The following MACF1 variants were observed in gnomAD, a reference collection of about 807,000 sequenced individuals.
MACF1 encodes the protein microtubule actin crosslinking factor 1.
MACF1 carries 193 observed loss-of-function variants against 854.8 expected under a neutral mutation model. The ratio of observed to expected loss-of-function variants is 0.23; its 90% CI spans 0.20 to 0.25. The LOEUF is 0.25. MACF1 is among the 10% of genes least tolerant of loss of function. The pLI, the probability that MACF1 is intolerant of heterozygous loss-of-function variation, is 1.00. For synonymous variants in MACF1, 3,185 were observed against 3,226.7 expected (o/e 0.99, Z 0.44); for missense variants, 7,722 against 8,929.1 (o/e 0.86, Z 5.45).
At chr1:39,386,517 C>T (rs913661698) in intron 57 of MACF1, among the ~76,000 whole-genome samples, 4 of 151,744 alleles carry the variant, frequency 2.6e-5, no homozygotes, top group Admixed American at 6.6e-5. Flanking sequence ...CTGCAACCTC[C>T]GCCTCCTCGG....
chr1:39,242,299 G>C (rs1277747099), intron 2 of MACF1, among the ~76,000 whole-genome samples: 3 of 150,824 alleles, frequency 2.0e-5, no homozygotes, highest in Non-Finnish European at 4.4e-5. Flanking sequence ...GTAATGAGCC[G>C]AGATAGCACC....
intron 97 of MACF1, among the ~76,000 whole-genome samples, chr1:39,473,275 G>T (rs2124162451): frequency 6.6e-6 from 1 of 152,278 alleles, no homozygotes; most frequent in South Asian, 2.1e-4. Flanking sequence ...GGCCTCTGGG[G>T]CTAACAGGGT....
intron 49 of MACF1, among the ~76,000 whole-genome samples, chr1:39,367,748 A>G (rs562907944): frequency 3.0e-4 from 46 of 151,970 alleles, no homozygotes; most frequent in African/African-American, 1.1e-3. Flanking sequence ...ATTCCTAGCC[A>G]CTCTCCAGTG....
intron 2 of MACF1, among the ~76,000 whole-genome samples, chr1:39,190,395 G>GTTTT (rs750262685): frequency 0.011 from 839 of 78,896 alleles, 91 homozygotes; most frequent in Admixed American, 0.015. Context: ...GTGTGTGTTT[G>GTTTT]TTTTTGTTTT....
At chr1:39,302,783 A>G (rs1208779076) in intron 22 of MACF1, 141 bp from the exon 23 acceptor site, 2 of 712,182 alleles carry the variant, frequency 2.8e-6, no homozygotes, top group South Asian at 2.3e-5. Context: ...GGCAAAAATC[A>G]GAAGCCCTCA....
intron 38 of MACF1, among the ~76,000 whole-genome samples, chr1:39,338,475 G>A (rs1646866767): frequency 6.6e-6 from 1 of 152,158 alleles, no homozygotes; most frequent in African/African-American, 2.4e-5. Flanking sequence ...ACCAGAAAGA[G>A]ATGAAAATGG....
chr1:39,423,923 G>T (rs1407745406), intron 60 of MACF1, 105 bp from the exon 61 acceptor site: 4 of 976,926 alleles, frequency 4.1e-6, no homozygotes, highest in Non-Finnish European at 6.0e-6. Flanking sequence ...TTTACTCAAT[G>T]AAGCTTAGGA....
At chr1:39,253,915 A>G (rs918202745) in intron 4 of MACF1, among the ~76,000 whole-genome samples, 5 of 152,280 alleles carry the variant, frequency 3.3e-5, no homozygotes, top group South Asian at 2.1e-4. Flanking sequence ...CCCTTTCTCT[A>G]CGATAGCATT....
intron 26 of MACF1, among the ~76,000 whole-genome samples, chr1:39,311,356 CAT>C (rs1232108531): frequency 6.6e-6 from 1 of 152,190 alleles, no homozygotes; most frequent in African/African-American, 2.4e-5. Context: ...TACCTTCAGT[CAT>C]ATGACCAATA....
intron 4 of MACF1, 107 bp from the exon 5 acceptor site, chr1:39,254,191 G>GT (rs1645073206): frequency 1.1e-6 from 1 of 922,152 alleles, no homozygotes; most frequent in Non-Finnish European, 1.7e-6. Context: ...GGCTTCTACT[G>GT]TAAGGAATTC....
intron 2 of MACF1, among the ~76,000 whole-genome samples, chr1:39,194,932 A>C (rs1644302517): frequency 6.6e-6 from 1 of 152,032 alleles, no homozygotes; most frequent in Admixed American, 6.6e-5. Context: ...GTCCTCAGGC[A>C]GTCCTCCTGC....
rs183713012 is a variant in MACF1 at position 39,346,187 on chromosome 1, C to G, written c.10582-790C>G. Among the ~76,000 whole-genome samples, 283 of 151,966 alleles carry G rather than the reference C, an allele frequency of 1.9e-3. 2 individuals carry two copies. Among genetic ancestry groups the G allele is most frequent in the African/African-American group, 6.2e-3 (258 of 41,450 alleles). On this transcript the variant is annotated intron_variant, in intron 40 of 100. Coordinates refer to ENST00000564288, the MANE Select transcript of MACF1 (RefSeq NM_001394062.1). The stretch of plus-strand genomic sequence containing the variant: ...GACCATCTTGCTAACACAGTGAAAC[C>G]CCATCTCTACTAAAAGTACAAAAAA...
intron 52 of MACF1, among the ~76,000 whole-genome samples, chr1:39,377,170 C>T (rs1649794631): frequency 6.6e-6 from 1 of 152,036 alleles, no homozygotes; most frequent in African/African-American, 2.4e-5. Context: ...GCTGCCACAC[C>T]CAGCTAATTT....
Position 39,429,717 on chromosome 1 carries a change from A to C in MACF1, c.16889-110A>C, listed in dbSNP as rs12089720. On this transcript the variant is annotated intron_variant, in intron 64 of 100. Transcript: ENST00000564288. ...GGGATAGGTGAAATCATTACCACAG[A>C]GAGAGAGAGAGCGTCTATGAAATTA... is the stretch of plus-strand genomic sequence containing the variant. 949 of 1,054,382 alleles carry C rather than the reference A, an allele frequency of 9.0e-4. 3 individuals carry two copies. The African/African-American group carries it at 0.014, about 16-fold the overall frequency. 65.3% of individuals were successfully genotyped at this position (1,054,382 alleles called of 1,614,324 possible). A position where few individuals can be genotyped will look rare whatever the true frequency, so the allele number is the denominator to read the frequency against.
At position 39,460,570 on chromosome 1, in the gene MACF1, C is replaced by T; in HGVS notation, c.21361-62C>T. 1 of 1,470,696 alleles carries T rather than the reference C, an allele frequency of 6.8e-7. No individual in the cohort carries two copies. The highest frequency in any genetic ancestry group is 9.5e-7 in the Non-Finnish European group (1 of 1,053,554). The allele number at this position is 1,470,696 out of a possible 1,614,324, so 91.1% of individuals were successfully genotyped here. ...CTGAATGTCTGAAAGTTTGGGTATG[C>T]TCTGGGCAGCTTTTGAGGGCCCAAA... On this transcript the variant is annotated intron_variant, in intron 91 of 100. Coordinates refer to ENST00000564288, the MANE Select transcript of MACF1 (RefSeq NM_001394062.1). This position sits in a 1 kb window ranked among gnomAD's most constrained non-coding sequence, Gnocchi z 4.1.
At position 39,106,844 on chromosome 1, in the gene MACF1, G is replaced by C. The variant is rs144479121; in HGVS notation, c.220+22406G>C. Among the ~76,000 whole-genome samples, 805 of 144,282 alleles carry C rather than the reference G, an allele frequency of 5.6e-3. 9 individuals are homozygous for C. The highest frequency in any genetic ancestry group is 0.02 in the African/African-American group (763 of 38,476). 94.7% of individuals were successfully genotyped at this position (144,282 alleles called of 152,430 possible). ...TCTTGTGGCATTGGAACTCTGCTTGGGAATGCAGCAGGAAAAAAGTAGAGA... is the reference window on the plus strand; with the variant it reads ...TCTTGTGGCATTGGAACTCTGCTTGCGAATGCAGCAGGAAAAAAGTAGAGA... On this transcript the variant is annotated intron_variant, in intron 2 of 93. Coordinates refer to the MACF1 transcript ENST00000361689.
chr1:39,398,174 C>T, intron 58 of MACF1, among the ~76,000 whole-genome samples: 1 of 150,746 alleles, frequency 6.6e-6, no homozygotes, highest in East Asian at 1.9e-4. Context: ...GTTTCACTCC[C>T]ATCACCCAGG....
At chr1:39,188,963 C>G (rs533572161) in intron 2 of MACF1, among the ~76,000 whole-genome samples, 1 of 152,302 alleles carries the variant, frequency 6.6e-6, no homozygotes, top group African/African-American at 2.4e-5. Context: ...GTCTCGAACT[C>G]TTGAGCTCAG....
intron 27 of MACF1, 59 bp downstream of exon 27, chr1:39,315,750 A>C: frequency 6.6e-7 from 1 of 1,506,388 alleles, no homozygotes; most frequent in Non-Finnish European, 9.1e-7. Context: ...TAAGAAAGAG[A>C]AAGGCTTAAA....
Sources: allele counts gnomAD v4.1 joint callset (sites outside exome capture counted in the v4.1 genomes callset), GRCh38; gene constraint gnomAD v4.1.1; non-coding constraint Gnocchi (gnomAD v3.1); transcripts MANE v1.5; gene names NCBI Gene and HGNC (gene_info 2026-07-23, HGNC 2026-07-21).